The following CDH18 variants were observed in gnomAD, a reference collection of about 807,000 sequenced individuals.
The protein encoded by CDH18 is cadherin-18.
Under a neutral mutation model 67.9 loss-of-function variants are expected in CDH18, and 31 were observed. The observed-to-expected ratio is 0.46, with a 90% CI of 0.34 to 0.62. CDH18 has a LOEUF of 0.62. CDH18 is among the 20% of genes least tolerant of loss of function. The pLI is 0.01. For synonymous variants in CDH18, 362 were observed against 347.2 expected, an observed-to-expected ratio of 1.04 and a Z score of -0.48; for missense variants, 890 against 975.5, an observed-to-expected ratio of 0.91 and a Z score of 1.17.
At chr5:20,267,137 A>T (rs1274681264) in intron 1 of CDH18, among the ~76,000 whole-genome samples, 2 of 152,222 alleles carry the variant, frequency 1.3e-5, no homozygotes, top group Non-Finnish European at 2.9e-5. Flanking sequence ...ATAGTGTGAA[A>T]TAGGGGTTCA....
intron 1 of CDH18, among the ~76,000 whole-genome samples, chr5:20,283,185 A>C (rs911921509): frequency 2.0e-5 from 3 of 152,142 alleles, no homozygotes; most frequent in Non-Finnish European, 4.4e-5. Context: ...ACTCTCCAGG[A>C]CATGGGACTG....
chr5:20,422,016 G>A (rs1005350382), intron 1 of CDH18, among the ~76,000 whole-genome samples: 2 of 150,940 alleles, frequency 1.3e-5, no homozygotes, highest in East Asian at 3.9e-4. Context: ...AAGTTAATTA[G>A]GGAGGCATTT....
intron 1 of CDH18, among the ~76,000 whole-genome samples, chr5:20,416,303 G>T (rs1344826894): frequency 6.6e-6 from 1 of 152,038 alleles, no homozygotes; most frequent in Non-Finnish European, 1.5e-5. Flanking sequence ...AATTAAATTT[G>T]CAGAAAAACA....
chr5:20,118,483 G>A (rs1322737336), intron 2 of CDH18, among the ~76,000 whole-genome samples: 1 of 151,942 alleles, frequency 6.6e-6, no homozygotes, highest in South Asian at 2.1e-4. Context: ...ATAATATTAC[G>A]ATTTTAATTA....
Position 20,303,213 on chromosome 5 carries a change from T to A in CDH18, c.-579-47708A>T, listed in dbSNP as rs777974902. Among the ~76,000 whole-genome samples the A allele has an allele frequency of 2.0e-5, 3 of 152,272 alleles. No individual in the cohort carries two copies. The East Asian group carries it at 5.8e-4, about 29-fold the overall frequency. Reference sequence around the variant, plus strand: ...ACAAATGTCTATGAGCATCTTCTTTTTCTAGGATGGTCTCATTTGACTTTC... The same window carrying A: ...ACAAATGTCTATGAGCATCTTCTTTATCTAGGATGGTCTCATTTGACTTTC... On this transcript the variant is annotated intron_variant, in intron 1 of 14. Transcript: ENST00000507958.
At chr5:19,836,662 C>G (rs781102030) in intron 3 of CDH18, among the ~76,000 whole-genome samples, 1 of 151,836 alleles carries the variant, frequency 6.6e-6, no homozygotes, top group African/African-American at 2.4e-5. Flanking sequence ...TGCAGAGGCT[C>G]TTTACTTTAA....
rs199799089 is a variant in CDH18 at position 20,486,707 on chromosome 5, G to A, written c.-580+88755C>T. 8.0e-4 allele frequency among the ~76,000 whole-genome samples: 104 copies of A among 130,102 alleles called. 1 individual carries two copies. The East Asian group carries it at 0.015, about 19-fold the overall frequency. 85.4% of individuals were successfully genotyped at this position (130,102 alleles called of 152,430 possible). A position where few individuals can be genotyped will look rare whatever the true frequency, so the allele number is the denominator to read the frequency against. ...TATATATATATATATATACATATAT[G>A]TGTGTGTGTGTATGTGTGTGTGTGT... On this transcript the variant is annotated intron_variant, in intron 1 of 14. Coordinates refer to the CDH18 transcript ENST00000507958.
chr5:19,673,613 A>T (rs1373035784), intron 5 of CDH18, among the ~76,000 whole-genome samples: 1 of 152,010 alleles, frequency 6.6e-6, no homozygotes, highest in Non-Finnish European at 1.5e-5. Flanking sequence ...GTTTTACTAG[A>T]ATATTCTTTT....
chr5:20,381,468 GCA>G (rs564357780), intron 1 of CDH18, among the ~76,000 whole-genome samples: 1 of 152,052 alleles, frequency 6.6e-6, no homozygotes, highest in Non-Finnish European at 1.5e-5. Flanking sequence ...ACCCCCACCT[GCA>G]TGGTTGTCTC....
At chr5:20,306,175 A>G (rs1231559641) in intron 1 of CDH18, among the ~76,000 whole-genome samples, 1 of 152,188 alleles carries the variant, frequency 6.6e-6, no homozygotes, top group East Asian at 1.9e-4. Flanking sequence ...TCAAAACATA[A>G]AGGAAAATAC....
intron 5 of CDH18, among the ~76,000 whole-genome samples, chr5:19,694,408 T>A (rs146638255): frequency 1.2e-4 from 18 of 152,274 alleles, no homozygotes; most frequent in African/African-American, 4.1e-4. Context: ...TATGCTCACA[T>A]ATTGTGAAAT....
intron 2 of CDH18, among the ~76,000 whole-genome samples, chr5:20,154,079 G>T (rs548291539): frequency 6.6e-6 from 1 of 152,018 alleles, no homozygotes; most frequent in East Asian, 1.9e-4. Flanking sequence ...GTAACAGGCC[G>T]TTACATTTAC....
At chr5:19,837,459 C>T (rs1410334683) in intron 3 of CDH18, among the ~76,000 whole-genome samples, 1 of 151,834 alleles carries the variant, frequency 6.6e-6, no homozygotes, top group Non-Finnish European at 1.5e-5. Flanking sequence ...TAAATTTCTA[C>T]TAATCTAATA....
rs562552631 is a variant in CDH18 at position 19,994,614 on chromosome 5, TA to T, written c.-517-2601del. Among the ~76,000 whole-genome samples, 179 of 143,504 alleles carry T rather than the reference TA, an allele frequency of 1.2e-3. 1 individual carries two copies. Among genetic ancestry groups the T allele is most frequent in the African/African-American group, 4.5e-3 (175 of 38,842 alleles). 94.1% of individuals were successfully genotyped at this position (143,504 alleles called of 152,430 possible). A position where few individuals can be genotyped will look rare whatever the true frequency, so the allele number is the denominator to read the frequency against. On this transcript the variant is annotated intron_variant, in intron 2 of 14. Coordinates refer to the CDH18 transcript ENST00000507958. ...GCTTCCCAACACCACTAGTGAGGAG[TA>T]AAAGATTAATTAGTTCCTCACTACC...
At chr5:19,624,928 T>G (rs979515778) in intron 5 of CDH18, among the ~76,000 whole-genome samples, 3 of 152,122 alleles carry the variant, frequency 2.0e-5, no homozygotes, top group Admixed American at 1.3e-4. Flanking sequence ...TGTAAACAGT[T>G]ATTCATTCCT....
At chr5:19,499,710 A>G (rs2126735078) in intron 11 of CDH18, among the ~76,000 whole-genome samples, 1 of 152,154 alleles carries the variant, frequency 6.6e-6, no homozygotes, top group Admixed American at 6.6e-5. Flanking sequence ...AGTCAGAGCA[A>G]ATTCATTTTT....
At chr5:19,956,333 G>T (rs1021344094) in intron 2 of CDH18, among the ~76,000 whole-genome samples, 1 of 151,836 alleles carries the variant, frequency 6.6e-6, no homozygotes, top group African/African-American at 2.4e-5. Flanking sequence ...TTTTTGATCT[G>T]TCCACTCTCT....
intron 1 of CDH18, among the ~76,000 whole-genome samples, chr5:20,366,420 T>A (rs1481094318): frequency 1.3e-5 from 2 of 152,194 alleles, no homozygotes; most frequent in African/African-American, 4.8e-5. Context: ...CATTAACTAT[T>A]GCGATAACTT....
intron 2 of CDH18, among the ~76,000 whole-genome samples, chr5:19,954,161 C>A (rs149272446): frequency 0.019 from 2,855 of 152,062 alleles, 44 homozygotes; most frequent in Non-Finnish European, 0.03. Flanking sequence ...GGATTATGAA[C>A]TGATATTATG....
Sources: gnomAD v4.1 joint callset for allele counts (sites outside exome capture counted in the v4.1 genomes callset) on GRCh38, gnomAD v4.1.1 for gene constraint, MANE v1.5 for transcripts, NCBI Gene and HGNC (gene_info 2026-07-23, HGNC 2026-07-21) for gene names.